IFT52: variants seen among roughly 807,000 people sequenced by gnomAD.
IFT52 encodes intraflagellar transport protein 52 homolog.
Under a neutral mutation model 54.4 loss-of-function variants are expected in IFT52, and 44 were observed. The observed-to-expected ratio is 0.81, with a 90% CI of 0.63 to 1.04. IFT52 has a LOEUF of 1.04. Ranked by LOEUF, IFT52 falls within the 50% of genes least tolerant of loss-of-function variation. The pLI, the probability that IFT52 is intolerant of heterozygous loss-of-function variation, is 0.00. For synonymous variants in IFT52, 181 were observed against 185.3 expected (o/e 0.98, Z 0.19); for missense variants, 452 against 523.6 (o/e 0.86, Z 1.33).
At chr20:43,618,001 G>A in intron 7 of IFT52, among the ~76,000 whole-genome samples, 1 of 151,882 alleles carries the variant, frequency 6.6e-6, no homozygotes, top group Admixed American at 6.6e-5. Flanking sequence ...TGCCCACCTT[G>A]GCCTCCCAAA....
intron 6 of IFT52, among the ~76,000 whole-genome samples, chr20:43,607,502 C>G (rs1385483214): frequency 1.3e-5 from 2 of 150,804 alleles, no homozygotes; most frequent in African/African-American, 4.9e-5. Context: ...GGGTCGTGGC[C>G]GGGCAGAGGC....
intron 6 of IFT52, among the ~76,000 whole-genome samples, chr20:43,613,052 A>G (rs1983582108): frequency 1.3e-5 from 2 of 152,182 alleles, no homozygotes; most frequent in Non-Finnish European, 2.9e-5. Flanking sequence ...CACTCTAGAT[A>G]ATCTAAGACA....
chr20:43,613,150 T>C (rs1423649792), intron 6 of IFT52, among the ~76,000 whole-genome samples: 1 of 152,236 alleles, frequency 6.6e-6, no homozygotes, highest in Non-Finnish European at 1.5e-5. Context: ...TTTATGCCTC[T>C]GTTCATGTGA....
intron 12 of IFT52, 190 bp from the exon 13 acceptor site, chr20:43,642,289 T>C: frequency 1.8e-6 from 1 of 547,846 alleles, no homozygotes. Context: ...GCTTTTATTA[T>C]AAAAGCAGCA....
Position 43,647,016 on chromosome 20 carries a change from T to G in IFT52, c.*33T>G. Reference sequence around the variant, plus strand: ...GCCTCTTGAAGCTTTTTCTGCCTCCTGATTCTCTCTTTGTAAACTATTTTC... The same window carrying G: ...GCCTCTTGAAGCTTTTTCTGCCTCCGGATTCTCTCTTTGTAAACTATTTTC... On this transcript the variant is annotated 3_prime_UTR_variant, in exon 14 of 14. Coordinates refer to ENST00000373030, the MANE Select transcript of IFT52 (RefSeq NM_016004.5). The G allele has an allele frequency of 6.3e-7, 1 of 1,580,424 alleles. No homozygotes were observed. The highest frequency in any genetic ancestry group is 8.7e-7 in the Non-Finnish European group (1 of 1,149,856).
chr20:43,629,109 GTAT>G (rs1314450389), intron 10 of IFT52, among the ~76,000 whole-genome samples: 3 of 152,168 alleles, frequency 2.0e-5, no homozygotes, highest in Non-Finnish European at 4.4e-5. Context: ...CAAGCAAGTA[GTAT>G]AAAGAGGAAG....
At chr20:43,603,229 T>C (rs1335553748) in intron 3 of IFT52, among the ~76,000 whole-genome samples, 1 of 152,160 alleles carries the variant, frequency 6.6e-6, no homozygotes, top group African/African-American at 2.4e-5. Context: ...CGTTTCTCTC[T>C]ATGGTTTGGT....
At position 43,620,839 on chromosome 20, in the gene IFT52, C is replaced by T. The variant is rs150320619; in HGVS notation, c.700-18C>T. 15 of 1,282,102 alleles carry T rather than the reference C, an allele frequency of 1.2e-5. No homozygotes were observed. Among genetic ancestry groups the T allele is most frequent in the Non-Finnish European group, 1.5e-5 (14 of 921,304 alleles). The allele number at this position is 1,282,102 out of a possible 1,614,324, so 79.4% of individuals were successfully genotyped here. On this transcript the variant is annotated intron_variant, in intron 8 of 13. Transcript: ENST00000373030. ...AATAACCAACTGTCCTAATTATATA[C>T]TTTTTTTTTTAATTTAGGATGTTGT...
chr20:43,628,925 T>A (rs1349060439), intron 10 of IFT52, among the ~76,000 whole-genome samples: 1 of 148,650 alleles, frequency 6.7e-6, no homozygotes, highest in Non-Finnish European at 1.5e-5. Flanking sequence ...TCTAGGGGAG[T>A]GGGAGAGGGA....
intron 1 of IFT52, among the ~76,000 whole-genome samples, 197 bp downstream of exon 1, chr20:43,591,251 G>T (rs1981488667): frequency 6.6e-6 from 1 of 152,264 alleles, no homozygotes; most frequent in Non-Finnish European, 1.5e-5. Context: ...ACGGCCTCGG[G>T]TGGTGCAGGT....
At chr20:43,597,801 G>A (rs994126352) in intron 3 of IFT52, among the ~76,000 whole-genome samples, 1 of 151,164 alleles carries the variant, frequency 6.6e-6, no homozygotes, top group African/African-American at 2.4e-5. Flanking sequence ...GGCTGAGGCA[G>A]GAGAATCACT....
intron 9 of IFT52, among the ~76,000 whole-genome samples, chr20:43,621,548 T>C (rs979043038): frequency 9.2e-5 from 14 of 152,218 alleles, no homozygotes; most frequent in Admixed American, 7.2e-4. Flanking sequence ...CTGCAACCTC[T>C]GTCTCCTGGG....
At chr20:43,605,538 CT>C (rs1568728380) in intron 6 of IFT52, among the ~76,000 whole-genome samples, 2 of 151,964 alleles carry the variant, frequency 1.3e-5, no homozygotes, top group East Asian at 1.9e-4. Flanking sequence ...CAGAGCAAGA[CT>C]CCATCTCAAA....
At chr20:43,634,573 A>G (rs956789622) in intron 10 of IFT52, among the ~76,000 whole-genome samples, 8 of 152,158 alleles carry the variant, frequency 5.3e-5, no homozygotes, top group Admixed American at 5.2e-4. Context: ...TATGTAATCT[A>G]TGTAAGTTAG....
chr20:43,617,553 C>T (rs6030984), intron 7 of IFT52, among the ~76,000 whole-genome samples: 126 of 152,102 alleles, frequency 8.3e-4, no homozygotes, highest in African/African-American at 2.9e-3. Flanking sequence ...AAGTGATTCT[C>T]ATGCCTCAGC....
intron 10 of IFT52, among the ~76,000 whole-genome samples, chr20:43,632,129 TAGTC>T (rs1206129286): frequency 6.6e-6 from 1 of 151,922 alleles, no homozygotes; most frequent in Non-Finnish European, 1.5e-5. Context: ...TTCTCCATGT[TAGTC>T]AGACTGGTCT....
rs1981789478 is a variant in IFT52 at position 43,594,677 on chromosome 20, ATCTT to A, written c.-6-11_-6-8del. On this transcript the variant is annotated splice_polypyrimidine_tract_variant and intron_variant, in intron 1 of 13. Coordinates refer to ENST00000373030, the MANE Select transcript of IFT52 (RefSeq NM_016004.5). ...TATTGTTTATTGATTTTCTGATCCC[ATCTT>A]TCTTCCATAAGGTAACCATGGAGAA... The A allele has an allele frequency of 7.5e-7, 1 of 1,326,728 alleles. No individual in the cohort carries two copies. The highest frequency in any genetic ancestry group is 1.4e-5 in the African/African-American group (1 of 69,056). 82.2% of individuals were successfully genotyped at this position (1,326,728 alleles called of 1,614,324 possible). A position where few individuals can be genotyped will look rare whatever the true frequency, so the allele number is the denominator to read the frequency against.
chr20:43,626,813 GA>G (rs1456834301), intron 10 of IFT52, among the ~76,000 whole-genome samples: 1 of 151,332 alleles, frequency 6.6e-6, no homozygotes, highest in Admixed American at 6.6e-5. Context: ...TGATAGAGAA[GA>G]AAAAAGGACC....
rs1981799976 is a variant in IFT52, at chr20:43,594,760, C to A, written c.62C>A (p.Thr21Asn). The A allele has an allele frequency of 6.2e-7, 1 of 1,613,250 alleles. No homozygotes were observed. Residue 21 changes from threonine to asparagine, a missense_variant, in exon 2 of 14, where the codon ACC becomes AAC. Thr to Asn is a moderately conservative substitution (Grantham distance 65). Coordinates refer to ENST00000373030, the MANE Select transcript of IFT52 (RefSeq NM_016004.5). ...FNAYKKEIFT[T>N]NNGYKSMQKK... ...GCCTACAAAAAGGAGATATTTACCA[C>A]CAACAATGGCTACAAATCCATGCAG...
Sources: gnomAD v4.1 joint callset for allele counts (sites outside exome capture counted in the v4.1 genomes callset) on GRCh38, gnomAD v4.1.1 for gene constraint, MANE v1.5 for transcripts, NCBI Gene and HGNC (gene_info 2026-07-23, HGNC 2026-07-21) for gene names.